OPCML: variants seen among roughly 807,000 people sequenced by gnomAD.
The protein encoded by OPCML is opioid binding protein/cell adhesion molecule like.
A neutral mutation model predicts 37.8 loss-of-function variants in OPCML; 13 were observed. The ratio of observed to expected loss-of-function variants is 0.34; its 90% CI spans 0.22 to 0.55. OPCML has a LOEUF of 0.55. Among genes scored for constraint, OPCML ranks in the 20% least tolerant of loss-of-function variants. OPCML has a pLI of 0.91. For synonymous variants in OPCML, 176 were observed against 168.8 expected (o/e 1.04, Z -0.33); for missense variants, 341 against 435.6 (o/e 0.78, Z 1.93).
At chr11:132,921,691 A>G (rs1944808739) in intron 2 of OPCML, among the ~76,000 whole-genome samples, 1 of 152,174 alleles carries the variant, frequency 6.6e-6, no homozygotes, top group South Asian at 2.1e-4. Context: ...AAATTTTTTT[A>G]TAAGACACCC....
intron 2 of OPCML, among the ~76,000 whole-genome samples, chr11:132,674,367 G>A (rs1423745506): frequency 6.6e-6 from 1 of 152,172 alleles, no homozygotes; most frequent in Non-Finnish European, 1.5e-5. Flanking sequence ...GCTGAGCCAA[G>A]CTCAACAGAT....
chr11:132,893,714 G>T (rs1943736359), intron 2 of OPCML, among the ~76,000 whole-genome samples: 1 of 152,232 alleles, frequency 6.6e-6, no homozygotes, highest in Admixed American at 6.5e-5. Context: ...ATTGCCAGTG[G>T]TCTGGCACCT....
At chr11:132,613,760 G>C (rs891926059) in intron 3 of OPCML, among the ~76,000 whole-genome samples, 1 of 152,126 alleles carries the variant, frequency 6.6e-6, no homozygotes, top group Admixed American at 6.5e-5. Context: ...TATTATCAAG[G>C]CATGCAGAAT....
At chr11:133,164,152 G>C (rs775373158) in intron 1 of OPCML, among the ~76,000 whole-genome samples, 2 of 152,220 alleles carry the variant, frequency 1.3e-5, no homozygotes, top group Non-Finnish European at 2.9e-5. Context: ...GCTCGGATCA[G>C]AGCAGCCACA....
chr11:132,477,046 A>T (rs1459328243), intron 4 of OPCML, among the ~76,000 whole-genome samples: 1 of 152,168 alleles, frequency 6.6e-6, no homozygotes, highest in Non-Finnish European at 1.5e-5. Context: ...TTGGGCTTTT[A>T]TAAGATTTTT....
At chr11:132,616,894 G>A (rs1002456166) in intron 3 of OPCML, among the ~76,000 whole-genome samples, 3 of 152,198 alleles carry the variant, frequency 2.0e-5, no homozygotes, top group Non-Finnish European at 2.9e-5. Flanking sequence ...CCTAAGATGT[G>A]CAATGTGGAT....
intron 1 of OPCML, among the ~76,000 whole-genome samples, chr11:133,260,572 A>G (rs78820713): frequency 6.6e-6 from 1 of 152,146 alleles, no homozygotes; most frequent in East Asian, 1.9e-4. Context: ...ACTTTTTTTC[A>G]AGAAAAAATC....
intron 1 of OPCML, among the ~76,000 whole-genome samples, chr11:133,015,533 G>T (rs1947316551): frequency 6.6e-6 from 1 of 152,092 alleles, no homozygotes; most frequent in African/African-American, 2.4e-5. Context: ...ATGAGAATGT[G>T]ACATGAACCC....
intron 4 of OPCML, among the ~76,000 whole-genome samples, chr11:132,490,396 C>G (rs1273515087): frequency 6.6e-6 from 1 of 152,076 alleles, no homozygotes. Flanking sequence ...TGCCTTTTCT[C>G]CCAATGTTTG....
Position 133,207,162 on chromosome 11 carries a change from T to C in OPCML, c.62-264152A>G, listed in dbSNP as rs564077021. 8.8e-5 allele frequency among the ~76,000 whole-genome samples: 13 copies of C among 146,926 alleles called. No individual in the cohort carries two copies. The East Asian group carries it at 2.6e-3, about 29-fold the overall frequency. ...AAAAATACAAAAAATTAACCAGGTG[T>C]GGTGGCGGGCACCTGTTGTCCCAGC... On this transcript the variant is annotated intron_variant, in intron 1 of 7. Transcript: ENST00000524381.
rs1159434258 is a variant in OPCML at position 133,173,138 on chromosome 11, C to T, written c.62-230128G>A. Among the ~76,000 whole-genome samples the T allele has an allele frequency of 6.6e-6, 1 of 152,190 alleles. No homozygotes were observed. Among genetic ancestry groups the T allele is most frequent in the African/African-American group, 2.4e-5 (1 of 41,440 alleles). ...TGGTAATAGCCATTTCCAACAACCA[C>T]ACCCATGCTTTAAAAAAATTACATG... On this transcript the variant is annotated intron_variant, in intron 1 of 7. Coordinates refer to ENST00000524381, the MANE Select transcript of OPCML (RefSeq NM_001012393.5). The surrounding 1 kb of genome is among the most constrained non-coding windows in gnomAD (Gnocchi z 7.8).
At chr11:133,423,370 T>G in intron 1 of OPCML, 3 of 985,236 alleles carry the variant, frequency 3.0e-6, no homozygotes, top group Non-Finnish European at 3.6e-6. Context: ...TAACTGAGAG[T>G]GGACAGTAAC....
intron 4 of OPCML, among the ~76,000 whole-genome samples, chr11:132,443,347 A>C (rs1292662848): frequency 7.2e-5 from 11 of 152,194 alleles, no homozygotes; most frequent in Non-Finnish European, 1.6e-4. Flanking sequence ...GCCAGAAGGA[A>C]GCCAGTGGGA....
chr11:132,500,138 C>T (rs1294121307), intron 4 of OPCML, among the ~76,000 whole-genome samples: 1 of 152,158 alleles, frequency 6.6e-6, no homozygotes, highest in Non-Finnish European at 1.5e-5. Context: ...CTCAGGGAAA[C>T]TAAGTCATCA....
intron 2 of OPCML, among the ~76,000 whole-genome samples, chr11:132,732,136 T>C (rs1286818715): frequency 6.6e-6 from 1 of 152,190 alleles, no homozygotes; most frequent in Non-Finnish European, 1.5e-5. Context: ...GGAGAATGTT[T>C]ATAGGCAGAC....
chr11:132,901,203 T>A (rs188452203), intron 2 of OPCML, among the ~76,000 whole-genome samples: 4 of 151,866 alleles, frequency 2.6e-5, no homozygotes, highest in Non-Finnish European at 5.9e-5. Flanking sequence ...AAATAAATAA[T>A]AAATAATAAA....
intron 1 of OPCML, among the ~76,000 whole-genome samples, chr11:133,068,496 C>T (rs139899944): frequency 6.6e-6 from 1 of 152,190 alleles, no homozygotes; most frequent in Non-Finnish European, 1.5e-5. Flanking sequence ...TTCATGTGCT[C>T]TGTTCTCTCA....
intron 1 of OPCML, among the ~76,000 whole-genome samples, chr11:133,140,727 C>A (rs866173102): frequency 4.6e-5 from 5 of 108,254 alleles, no homozygotes; most frequent in South Asian, 3.8e-4. Context: ...AGACGGAAGA[C>A]GACGACGACG....
intron 3 of OPCML, among the ~76,000 whole-genome samples, chr11:132,551,428 C>G (rs1290533033): frequency 1.3e-5 from 2 of 152,172 alleles, no homozygotes; most frequent in African/African-American, 4.8e-5. Flanking sequence ...TTTCCCAGGG[C>G]AAATCCCTTT....
Sources: allele counts gnomAD v4.1 joint callset (sites outside exome capture counted in the v4.1 genomes callset), GRCh38; gene constraint gnomAD v4.1.1; non-coding constraint Gnocchi (gnomAD v3.1); transcripts MANE v1.5; gene names NCBI Gene and HGNC (gene_info 2026-07-23, HGNC 2026-07-21).